PAX5: variants seen among roughly 807,000 people sequenced by gnomAD.
PAX5 encodes the protein paired box 5.
In PAX5, 9 loss-of-function variants were observed where a neutral mutation model predicts 43.7. The ratio of observed to expected loss-of-function variants is 0.21; its 90% CI spans 0.12 to 0.36. The LOEUF is 0.36. Ranked by LOEUF, PAX5 falls within the 10% of genes least tolerant of loss-of-function variation. The pLI, the probability that PAX5 is intolerant of heterozygous loss-of-function variation, is 1.00. For missense variants in PAX5, 383 were observed against 532.7 expected (o/e 0.72, Z 2.77); for synonymous variants, 228 against 214.3 (o/e 1.06, Z -0.56).
intron 7 of PAX5, among the ~76,000 whole-genome samples, chr9:36,899,840 T>A (rs1208989449): frequency 6.6e-6 from 1 of 152,214 alleles, no homozygotes; most frequent in African/African-American, 2.4e-5. Flanking sequence ...AGGGCTCCAC[T>A]GCCACAACCC....
chr9:36,853,895 G>T (rs1484310774), intron 8 of PAX5, among the ~76,000 whole-genome samples: 1 of 152,184 alleles, frequency 6.6e-6, no homozygotes, highest in East Asian at 1.9e-4. Flanking sequence ...ACAGGTAAAC[G>T]GGCTCAGTAT....
intron 3 of PAX5, among the ~76,000 whole-genome samples, chr9:37,009,223 A>G (rs773983355): frequency 6.6e-5 from 10 of 152,250 alleles, no homozygotes; most frequent in Non-Finnish European, 1.3e-4. Context: ...GCAGTAGCAC[A>G]GTGTACAGGC....
At chr9:36,965,794 T>C (rs1170266018) in intron 6 of PAX5, among the ~76,000 whole-genome samples, 2 of 152,216 alleles carry the variant, frequency 1.3e-5, no homozygotes, top group Admixed American at 6.5e-5. Context: ...CAAGGTTACC[T>C]GTCAAGGCCC....
At position 36,986,159 on chromosome 9, in the gene PAX5, C is replaced by T. The variant is rs544499530; in HGVS notation, c.604+16489G>A. Among the ~76,000 whole-genome samples the T allele has an allele frequency of 2.0e-3, 300 of 151,820 alleles. 1 individual carries two copies. Among genetic ancestry groups the T allele is most frequent in the African/African-American group, 6.8e-3 (283 of 41,502 alleles). ...CGGCTGCCGCCGCGCCCGCGCCCCC[C>T]GGGGCCCCGGAAAGCTGGCATCCGT... On this transcript the variant is annotated intron_variant, in intron 5 of 9. Transcript: ENST00000358127.
chr9:36,914,796 C>G (rs1437624650), intron 7 of PAX5, among the ~76,000 whole-genome samples: 1 of 152,014 alleles, frequency 6.6e-6, no homozygotes, highest in Non-Finnish European at 1.5e-5. Flanking sequence ...CAAAGCTCTC[C>G]CACCGGATCT....
At position 36,840,713 on chromosome 9, in the gene PAX5, C is replaced by A. The variant is rs79948902; in HGVS notation, c.1100-77G>T. ...CCAGTCTCCTCCACTTCTGTCCTTT[C>A]CTCCCCTCACTCAGTCCGGGCCACC... On this transcript the variant is annotated intron_variant, in intron 9 of 9. Coordinates refer to ENST00000358127, the MANE Select transcript of PAX5 (RefSeq NM_016734.3). The A allele has an allele frequency of 1.8e-3, 1,576 of 879,152 alleles. 12 individuals are homozygous for A. In the African/African-American group the frequency reaches 0.023, roughly 13 times the overall value. The allele number at this position is 879,152 out of a possible 1,614,324, so 54.5% of individuals were successfully genotyped here. A position where few individuals can be genotyped will look rare whatever the true frequency, so the allele number is the denominator to read the frequency against.
intron 6 of PAX5, among the ~76,000 whole-genome samples, chr9:36,931,248 G>A (rs1831094758): frequency 6.6e-6 from 1 of 152,234 alleles, no homozygotes; most frequent in Non-Finnish European, 1.5e-5. Flanking sequence ...CCAGAGCCTG[G>A]CTCCAGCGAC....
intron 5 of PAX5, among the ~76,000 whole-genome samples, chr9:36,980,382 G>T (rs139359556): frequency 2.0e-5 from 3 of 152,272 alleles, no homozygotes; most frequent in East Asian, 1.9e-4. Context: ...GGTGCCTCTG[G>T]GGGGAGCCAT....
chr9:37,011,203 GAGC>G (rs1838904659), intron 3 of PAX5, among the ~76,000 whole-genome samples: 2 of 150,976 alleles, frequency 1.3e-5, no homozygotes, highest in South Asian at 4.2e-4. Context: ...TTAGAATTAA[GAGC>G]AGAACTAACA....
intron 7 of PAX5, among the ~76,000 whole-genome samples, chr9:36,921,269 A>G (rs1006832214): frequency 1.3e-5 from 2 of 152,212 alleles, no homozygotes; most frequent in African/African-American, 4.8e-5. Context: ...ATCTTCTCAT[A>G]AACTCTGATC....
intron 5 of PAX5, among the ~76,000 whole-genome samples, chr9:36,970,892 G>A (rs914408506): frequency 1.3e-5 from 2 of 152,144 alleles, no homozygotes; most frequent in Admixed American, 6.5e-5. Flanking sequence ...ACTGTGCTAT[G>A]AGCTACCTTC....
chr9:36,955,781 AAATAT>A (rs1347677286), intron 6 of PAX5, among the ~76,000 whole-genome samples: 1 of 86,582 alleles, frequency 1.2e-5, no homozygotes, highest in Non-Finnish European at 2.7e-5. Flanking sequence ...AAAAAAAAAA[AAATAT>A]ATATATATAT....
intron 6 of PAX5, among the ~76,000 whole-genome samples, chr9:36,946,367 A>C (rs546406600): frequency 6.6e-6 from 1 of 152,194 alleles, no homozygotes; most frequent in Non-Finnish European, 1.5e-5. Context: ...TTTCATGGGA[A>C]CCACTGAGAG....
intron 5 of PAX5, among the ~76,000 whole-genome samples, chr9:36,984,856 T>C (rs7036385): frequency 0.36 from 54,389 of 152,016 alleles, 10,287 homozygotes; most frequent in East Asian, 0.62. Context: ...ATCAGCCTTG[T>C]ACAGCTGAGG....
rs542199127 is a variant in PAX5, at chr9:37,032,530, G to T, written c.46+1456C>A. On this transcript the variant is annotated intron_variant, in intron 1 of 9. Coordinates refer to ENST00000358127, the MANE Select transcript of PAX5 (RefSeq NM_016734.3). ...GAGCACTCTTCTGCCTCAGATCTCT[G>T]CCCTCACTTCTCTCCAGCCACAATT... Among the ~76,000 whole-genome samples the T allele has an allele frequency of 3.3e-4, 50 of 152,294 alleles. 1 individual carries two copies. The highest frequency in any genetic ancestry group is 3.3e-3 in the Admixed American group (50 of 15,302).
Position 36,982,046 on chromosome 9 carries a change from C to T in PAX5, c.605-15322G>A, listed in dbSNP as rs1373371486. Among the ~76,000 whole-genome samples, 3 of 152,200 alleles carry T rather than the reference C, an allele frequency of 2.0e-5. No individual in the cohort carries two copies. The East Asian group carries it at 5.8e-4, about 29-fold the overall frequency. Reference sequence around the variant, plus strand: ...TTGGGAGGCCGAGGCAGATGGATCACCTGAGGTCAGGAGTTCAAGAACAGC... The same window carrying T: ...TTGGGAGGCCGAGGCAGATGGATCATCTGAGGTCAGGAGTTCAAGAACAGC... On this transcript the variant is annotated intron_variant, in intron 5 of 9. Coordinates refer to ENST00000358127, the MANE Select transcript of PAX5 (RefSeq NM_016734.3).
At position 36,882,086 on chromosome 9, in the gene PAX5, C is replaced by T. The variant is rs761579249; in HGVS notation, c.930G>A (p.Thr310=). The change falls in exon 8 of 10, where the codon ACG becomes ACA. Residue 310 remains threonine, a synonymous_variant. Transcript: ENST00000358127. This position sits in a 1 kb window ranked among gnomAD's most constrained non-coding sequence, Gnocchi z 4.4. ...CGTGTGGAGGGTACCCGGGGAGGGT[C>T]GTGCTCGCCAAGTCACGGCCTGAGG... ...PIVTGRDLAS[T]TLPGYPPHVP... is the part of the protein sequence containing the mutation. The T allele has an allele frequency of 5.0e-6, 8 of 1,599,562 alleles. No homozygotes were observed. Among genetic ancestry groups the T allele is most frequent in the South Asian group, 3.3e-5 (3 of 89,778 alleles).
Position 37,033,941 on chromosome 9 carries a change from C to T in PAX5, c.46+45G>A, listed in dbSNP as rs755453493. ...CCCTGCGTGGGGACCAAGGCCTGGC[C>T]GTGTCCCGGAGTTTGCACATCTGGA... On this transcript the variant is annotated intron_variant, in intron 1 of 9. Coordinates refer to ENST00000358127, the MANE Select transcript of PAX5 (RefSeq NM_016734.3). 1.0e-5 allele frequency: 16 copies of T among 1,599,192 alleles called. No homozygotes were observed. In the East Asian group the frequency reaches 3.6e-4, roughly 36 times the overall value.
At chr9:36,926,079 C>T (rs569925037) in intron 6 of PAX5, among the ~76,000 whole-genome samples, 2 of 152,280 alleles carry the variant, frequency 1.3e-5, no homozygotes, top group East Asian at 3.9e-4. Flanking sequence ...TATGACATCC[C>T]CATTTTACAG....
Sources: gnomAD v4.1 joint callset for allele counts (sites outside exome capture counted in the v4.1 genomes callset) on GRCh38, gnomAD v4.1.1 for gene constraint, Gnocchi (gnomAD v3.1) non-coding constraint, MANE v1.5 for transcripts, NCBI Gene and HGNC (gene_info 2026-07-23, HGNC 2026-07-21) for gene names.